The following CNTNAP5 variants were observed in gnomAD, a reference collection of about 807,000 sequenced individuals.
CNTNAP5 encodes contactin-associated protein-like 5.
CNTNAP5 carries 72 observed loss-of-function variants against 150.2 expected under a neutral mutation model. That is an observed-to-expected ratio of 0.48 (90% CI 0.40 to 0.58). The LOEUF is 0.58. Ranked by LOEUF, CNTNAP5 falls within the 20% of genes least tolerant of loss-of-function variation. The pLI, the probability that CNTNAP5 is intolerant of heterozygous loss-of-function variation, is 0.00. For missense variants in CNTNAP5, 1,636 were observed against 1,626.2 expected, an observed-to-expected ratio of 1.01 and a Z score of -0.10; for synonymous variants, 672 against 619.8, an observed-to-expected ratio of 1.08 and a Z score of -1.25.
At chr2:124,656,523 G>C (rs979163028) in intron 13 of CNTNAP5, among the ~76,000 whole-genome samples, 1 of 152,080 alleles carries the variant, frequency 6.6e-6, no homozygotes, top group African/African-American at 2.4e-5. Flanking sequence ...TATTTCACTG[G>C]GGACTTGAAG....
At chr2:124,730,463 C>G (rs1182359273) in intron 13 of CNTNAP5, among the ~76,000 whole-genome samples, 2 of 151,970 alleles carry the variant, frequency 1.3e-5, no homozygotes, top group African/African-American at 2.4e-5. Context: ...CATCCCTGCC[C>G]TTAAGTAGAT....
chr2:124,146,105 G>A (rs1242514289), intron 1 of CNTNAP5, among the ~76,000 whole-genome samples: 1 of 152,074 alleles, frequency 6.6e-6, no homozygotes, highest in African/African-American at 2.4e-5. Flanking sequence ...AAAGAGAAAG[G>A]GAGATGGAGG....
chr2:124,101,963 C>T (rs555028060), intron 1 of CNTNAP5, among the ~76,000 whole-genome samples: 6 of 152,286 alleles, frequency 3.9e-5, no homozygotes, highest in African/African-American at 1.4e-4. Context: ...GCCCCTCTCA[C>T]AGGCTGGTGG....
chr2:124,478,531 C>T (rs1211477064), intron 7 of CNTNAP5, among the ~76,000 whole-genome samples: 2 of 152,150 alleles, frequency 1.3e-5, no homozygotes, highest in African/African-American at 2.4e-5. Flanking sequence ...TGTACACACA[C>T]ACCCACACAC....
chr2:124,865,573 G>A, intron 20 of CNTNAP5, 137 bp downstream of exon 20: 1 of 753,530 alleles, frequency 1.3e-6, no homozygotes, highest in South Asian at 1.9e-5. Context: ...CCCAGACTTG[G>A]AAGAACTAGG....
intron 13 of CNTNAP5, among the ~76,000 whole-genome samples, chr2:124,707,018 G>GAGAAGAAGA (rs200269843): frequency 7.4e-4 from 55 of 74,294 alleles, no homozygotes; most frequent in African/African-American, 2.9e-3. Flanking sequence ...GGAGGAGGAG[G>GAGAAGAAGA]AGAAGAAGAA....
intron 3 of CNTNAP5, among the ~76,000 whole-genome samples, chr2:124,351,009 C>T (rs1408722483): frequency 6.6e-6 from 1 of 152,116 alleles, no homozygotes; most frequent in Non-Finnish European, 1.5e-5. Context: ...CTTCGATTTA[C>T]ACTGGCTTAC....
In CNTNAP5 at chr2:124,436,572, G is replaced by C. The variant is rs57447597; in HGVS notation, c.733+1885G>C. Among the ~76,000 whole-genome samples the C allele has an allele frequency of 2.1e-3, 325 of 152,236 alleles. 5 individuals are homozygous for C. Among genetic ancestry groups the C allele is most frequent in the Admixed American group, 0.02 (300 of 15,272 alleles). ...AAACATGGACAAATGCCAAAAAATA[G>C]AAGCTCCGTATTGCTCATTTATTCA... On this transcript the variant is annotated intron_variant, in intron 5 of 23. Coordinates refer to ENST00000682447, the MANE Select transcript of CNTNAP5 (RefSeq NM_001367498.1).
intron 19 of CNTNAP5, among the ~76,000 whole-genome samples, chr2:124,807,850 C>G (rs1356051045): frequency 2.0e-5 from 3 of 152,032 alleles, no homozygotes; most frequent in Non-Finnish European, 4.4e-5. Context: ...AGAGAGGGGC[C>G]AGGCAGAAAT....
At chr2:124,835,170 A>G (rs1315309870) in intron 19 of CNTNAP5, among the ~76,000 whole-genome samples, 4 of 152,138 alleles carry the variant, frequency 2.6e-5, no homozygotes, top group Admixed American at 6.6e-5. Flanking sequence ...ATATCGTGTA[A>G]TATTTCCACA....
intron 1 of CNTNAP5, among the ~76,000 whole-genome samples, chr2:124,115,828 A>C (rs1432904271): frequency 1.5e-5 from 1 of 65,868 alleles, no homozygotes; most frequent in African/African-American, 6.1e-5. Context: ...GTGTGTGTGT[A>C]GAGATGAGGT....
intron 10 of CNTNAP5, among the ~76,000 whole-genome samples, chr2:124,556,164 GC>G (rs1372925102): frequency 2.6e-5 from 4 of 152,282 alleles, no homozygotes; most frequent in African/African-American, 9.6e-5. Flanking sequence ...AGGAGGATGT[GC>G]AGTGCTCTAG....
intron 1 of CNTNAP5, among the ~76,000 whole-genome samples, chr2:124,082,348 C>CAA (rs56285830): frequency 2.1e-3 from 153 of 73,384 alleles, no homozygotes; most frequent in African/African-American, 4.5e-3. Context: ...GACTCTCTCT[C>CAA]AAAAAAAAAA....
At chr2:124,675,470 C>A (rs1678918655) in intron 13 of CNTNAP5, among the ~76,000 whole-genome samples, 3 of 152,026 alleles carry the variant, frequency 2.0e-5, no homozygotes. Context: ...AATTATAGAT[C>A]TGACAGGATT....
At chr2:124,875,156 G>A (rs1302149343) in intron 21 of CNTNAP5, among the ~76,000 whole-genome samples, 1 of 151,948 alleles carries the variant, frequency 6.6e-6, no homozygotes, top group Non-Finnish European at 1.5e-5. Context: ...ACTGTGTCTT[G>A]TCCAACATTA....
intron 3 of CNTNAP5, among the ~76,000 whole-genome samples, chr2:124,392,729 G>GA (rs142485864): frequency 0.14 from 19,153 of 132,584 alleles, 1,680 homozygotes; most frequent in African/African-American, 0.25. Flanking sequence ...AGGAGGGGAG[G>GA]AAAAAAAAAA....
intron 1 of CNTNAP5, among the ~76,000 whole-genome samples, chr2:124,140,094 G>A (rs1318530194): frequency 6.6e-6 from 1 of 151,742 alleles, no homozygotes; most frequent in Non-Finnish European, 1.5e-5. Context: ...CTTAAAAAAC[G>A]GCGCACCACG....
intron 3 of CNTNAP5, among the ~76,000 whole-genome samples, chr2:124,357,388 A>G (rs1207708722): frequency 6.6e-6 from 1 of 152,000 alleles, no homozygotes; most frequent in African/African-American, 2.4e-5. Flanking sequence ...GCCCATGCCT[A>G]TGTCCTGAAT....
At chr2:124,328,335 T>A (rs1157951630) in intron 3 of CNTNAP5, among the ~76,000 whole-genome samples, 2 of 152,210 alleles carry the variant, frequency 1.3e-5, no homozygotes, top group East Asian at 3.9e-4. Context: ...CTTCCATGCA[T>A]GAGGCAGTGG....
Sources: gnomAD v4.1 joint callset for allele counts (sites outside exome capture counted in the v4.1 genomes callset) on GRCh38, gnomAD v4.1.1 for gene constraint, MANE v1.5 for transcripts, NCBI Gene and HGNC (gene_info 2026-07-23, HGNC 2026-07-21) for gene names.